The following SLC2A13 variants were observed in gnomAD, a reference collection of about 807,000 sequenced individuals.
The protein encoded by SLC2A13 is solute carrier family 2 member 13.
In SLC2A13, 32 loss-of-function variants were observed where a neutral mutation model predicts 64.4. The ratio of observed to expected loss-of-function variants is 0.50; its 90% CI spans 0.37 to 0.67. The LOEUF (loss-of-function observed/expected upper bound fraction) is 0.67, where lower values mean the gene tolerates loss of function less well. Among genes scored for constraint, SLC2A13 ranks in the 30% least tolerant of loss-of-function variants. The pLI is 0.00. For missense variants in SLC2A13, 743 were observed against 829.2 expected, an observed-to-expected ratio of 0.90 and a Z score of 1.28; for synonymous variants, 338 against 327.1, an observed-to-expected ratio of 1.03 and a Z score of -0.36.
chr12:39,856,531 G>C (rs1232227181), intron 6 of SLC2A13, among the ~76,000 whole-genome samples: 1 of 152,074 alleles, frequency 6.6e-6, no homozygotes, highest in Non-Finnish European at 1.5e-5. Flanking sequence ...ACCATGCCCA[G>C]CTAATTTTTG....
intron 4 of SLC2A13, among the ~76,000 whole-genome samples, chr12:39,919,578 T>A (rs762583870): frequency 2.2e-4 from 33 of 152,104 alleles, no homozygotes; most frequent in Non-Finnish European, 3.7e-4. Flanking sequence ...TTTTGAGGTA[T>A]AGTTATAGTA....
At chr12:39,846,513 G>A (rs1165790854) in intron 6 of SLC2A13, among the ~76,000 whole-genome samples, 1 of 152,148 alleles carries the variant, frequency 6.6e-6, no homozygotes, top group Non-Finnish European at 1.5e-5. Flanking sequence ...GTGCAGTGGT[G>A]CAATCTCAGG....
At chr12:39,908,779 G>A (rs12425167) in intron 4 of SLC2A13, among the ~76,000 whole-genome samples, 7,007 of 151,958 alleles carry the variant, frequency 0.046, 297 homozygotes, top group Admixed American at 0.13. Context: ...TGAGCATAGA[G>A]GTAAGGTAAA....
chr12:39,910,183 C>G (rs1945395645), intron 4 of SLC2A13, among the ~76,000 whole-genome samples: 1 of 152,040 alleles, frequency 6.6e-6, no homozygotes, highest in African/African-American at 2.4e-5. Context: ...CACAAACACC[C>G]TAGCAACCCT....
intron 3 of SLC2A13, among the ~76,000 whole-genome samples, chr12:39,974,460 T>C (rs73092290): frequency 6.6e-6 from 1 of 152,332 alleles, no homozygotes; most frequent in Non-Finnish European, 1.5e-5. Context: ...AGATGATGCA[T>C]GCATACTGCC....
At chr12:39,849,558 T>G (rs1566861839) in intron 6 of SLC2A13, among the ~76,000 whole-genome samples, 1 of 152,178 alleles carries the variant, frequency 6.6e-6, no homozygotes, top group Non-Finnish European at 1.5e-5. Context: ...CTTCTCTGAC[T>G]GAGGTGGTAA....
At chr12:40,044,940 C>A (rs1479437379) in intron 2 of SLC2A13, among the ~76,000 whole-genome samples, 1 of 152,132 alleles carries the variant, frequency 6.6e-6, no homozygotes. Context: ...AGATTTGAAT[C>A]TAATCTCTGC....
intron 4 of SLC2A13, among the ~76,000 whole-genome samples, chr12:39,873,403 C>T (rs1403756690): frequency 1.3e-5 from 2 of 152,122 alleles, no homozygotes; most frequent in Non-Finnish European, 2.9e-5. Context: ...CCAAGTTCTA[C>T]CATATACATT....
At chr12:40,009,634 T>C (rs964660818) in intron 3 of SLC2A13, among the ~76,000 whole-genome samples, 2 of 152,172 alleles carry the variant, frequency 1.3e-5, no homozygotes, top group Non-Finnish European at 1.5e-5. Context: ...GGTCTCACTA[T>C]GTTGCCCAGG....
chr12:39,801,866 G>A (rs190977309), intron 7 of SLC2A13, among the ~76,000 whole-genome samples: 2 of 152,294 alleles, frequency 1.3e-5, no homozygotes, highest in Non-Finnish European at 2.9e-5. Context: ...AATTAGGAAA[G>A]CAGACATTAC....
rs1235335151 is a variant in SLC2A13 at position 39,916,932 on chromosome 12, CCTT to C, written c.1034+34322_1034+34324del. ...ACGGTGGGGAAAACAGAGCTTCAGT[CCTT>C]CTCTACCTTAGGTGATCTCCTGAGA... On this transcript the variant is annotated intron_variant, in intron 4 of 9. Coordinates refer to ENST00000280871, the MANE Select transcript of SLC2A13 (RefSeq NM_052885.4). Among the ~76,000 whole-genome samples the C allele has an allele frequency of 3.3e-5, 5 of 152,226 alleles. No homozygotes were observed. In the South Asian group the frequency reaches 1.0e-3, roughly 32 times the overall value.
At chr12:40,068,390 G>A (rs542526300) in intron 1 of SLC2A13, 92 of 325,162 alleles carry the variant, frequency 2.8e-4, no homozygotes, top group Non-Finnish European at 5.0e-4. Flanking sequence ...CACCAGTTTA[G>A]GCCAACATGG....
At chr12:39,841,409 G>A (rs1369278540) in intron 6 of SLC2A13, among the ~76,000 whole-genome samples, 2 of 152,248 alleles carry the variant, frequency 1.3e-5, no homozygotes, top group East Asian at 3.9e-4. Context: ...GGAGAAGGAA[G>A]AAAAAGAGAG....
chr12:39,943,401 A>G (rs1313654000), intron 4 of SLC2A13, among the ~76,000 whole-genome samples: 1 of 152,100 alleles, frequency 6.6e-6, no homozygotes, highest in Non-Finnish European at 1.5e-5. Context: ...CGGGAGTTTG[A>G]TCTATAAGGC....
intron 1 of SLC2A13, among the ~76,000 whole-genome samples, chr12:40,054,647 C>T (rs532094408): frequency 5.3e-5 from 8 of 152,310 alleles, no homozygotes; most frequent in African/African-American, 9.6e-5. Flanking sequence ...GCAGTGCGAC[C>T]GGATTCACAC....
At chr12:39,825,044 T>C (rs1942631376) in intron 7 of SLC2A13, among the ~76,000 whole-genome samples, 1 of 152,162 alleles carries the variant, frequency 6.6e-6, no homozygotes, top group Non-Finnish European at 1.5e-5. Context: ...GAGTGCAGCT[T>C]TGAGAAAAAT....
At chr12:39,976,754 T>A (rs528623176) in intron 3 of SLC2A13, among the ~76,000 whole-genome samples, 1 of 152,296 alleles carries the variant, frequency 6.6e-6, no homozygotes, top group East Asian at 1.9e-4. Flanking sequence ...AGAACCAAAC[T>A]GACTTTATTA....
At chr12:39,872,246 G>T (rs1944076529) in intron 4 of SLC2A13, among the ~76,000 whole-genome samples, 2 of 152,176 alleles carry the variant, frequency 1.3e-5, no homozygotes, top group African/African-American at 4.8e-5. Context: ...AGGGACAGTG[G>T]CAGCTGGTAG....
At chr12:39,888,557 C>G (rs1232753116) in intron 4 of SLC2A13, among the ~76,000 whole-genome samples, 1 of 152,164 alleles carries the variant, frequency 6.6e-6, no homozygotes, top group Non-Finnish European at 1.5e-5. Flanking sequence ...TGCAACTTAG[C>G]AGGGTACCTG....
Sources: gnomAD v4.1 joint callset for allele counts (sites outside exome capture counted in the v4.1 genomes callset) on GRCh38, gnomAD v4.1.1 for gene constraint, MANE v1.5 for transcripts, NCBI Gene and HGNC (gene_info 2026-07-23, HGNC 2026-07-21) for gene names.